TOX2: variants seen among roughly 807,000 people sequenced by gnomAD.
TOX2 encodes granulosa cell HMG box 1.
A neutral mutation model predicts 47.4 loss-of-function variants in TOX2; 15 were observed. The ratio of observed to expected loss-of-function variants is 0.32; its 90% CI spans 0.21 to 0.49. The LOEUF is 0.49. Ranked by LOEUF, TOX2 falls within the 20% of genes least tolerant of loss-of-function variation. TOX2 has a pLI of 0.99. For missense variants in TOX2, 622 were observed against 673.1 expected (o/e 0.92, Z 0.84); for synonymous variants, 290 against 296.6 (o/e 0.98, Z 0.23).
intron 3 of TOX2, among the ~76,000 whole-genome samples, chr20:44,009,398 C>A (rs1035782604): frequency 7.9e-5 from 12 of 152,198 alleles, no homozygotes; most frequent in African/African-American, 2.9e-4. Flanking sequence ...GTGTTTGGTT[C>A]TCACGAAAGA....
intron 5 of TOX2, among the ~76,000 whole-genome samples, chr20:44,060,450 C>T (rs1393844496): frequency 6.6e-6 from 1 of 152,116 alleles, no homozygotes; most frequent in Non-Finnish European, 1.5e-5. Context: ...GCAGAATATA[C>T]ATTCTGTTCA....
chr20:43,924,019 C>A (rs1055267475), intron 1 of TOX2, among the ~76,000 whole-genome samples: 4 of 152,124 alleles, frequency 2.6e-5, no homozygotes, highest in African/African-American at 9.7e-5. Context: ...AAGTGAGAGG[C>A]CTAAAAATGA....
intron 3 of TOX2, among the ~76,000 whole-genome samples, chr20:44,018,549 C>T (rs554956173): frequency 6.6e-6 from 1 of 152,316 alleles, no homozygotes; most frequent in East Asian, 1.9e-4. Flanking sequence ...TTTGGCTCCG[C>T]AGAATGTCTG....
At position 43,996,391 on chromosome 20, in the gene TOX2, C is replaced by T. The variant is rs540038331; in HGVS notation, c.166-10156C>T. On this transcript the variant is annotated intron_variant, in intron 2 of 8. Coordinates refer to ENST00000341197, the MANE Select transcript of TOX2 (RefSeq NM_001098797.2). ...TTAGAGTGAAATAAAACATTATTAA[C>T]GTGACACTGGAACAAGAGGCGTGGA... Among the ~76,000 whole-genome samples the T allele has an allele frequency of 9.8e-5, 15 of 152,324 alleles. No homozygotes were observed. In the South Asian group the frequency reaches 1.9e-3, roughly 19 times the overall value.
intron 3 of TOX2, among the ~76,000 whole-genome samples, chr20:44,010,847 G>T (rs1396217012): frequency 6.6e-6 from 1 of 152,064 alleles, no homozygotes; most frequent in Non-Finnish European, 1.5e-5. Context: ...CCAACTTGGG[G>T]GCTTAAAAAA....
intron 1 of TOX2, among the ~76,000 whole-genome samples, chr20:43,966,789 C>T (rs188284472): frequency 1.3e-5 from 2 of 151,446 alleles, no homozygotes; most frequent in Admixed American, 6.6e-5. Flanking sequence ...ACTGGAGGCT[C>T]CCACTATGCT....
intron 3 of TOX2, among the ~76,000 whole-genome samples, chr20:44,015,909 C>T (rs2070870359): frequency 6.6e-6 from 1 of 152,132 alleles, no homozygotes; most frequent in African/African-American, 2.4e-5. Context: ...TAAAAATTCA[C>T]TCCCTGTTAA....
At chr20:43,999,127 T>C (rs896553447) in intron 2 of TOX2, among the ~76,000 whole-genome samples, 1 of 152,222 alleles carries the variant, frequency 6.6e-6, no homozygotes, top group Non-Finnish European at 1.5e-5. Context: ...CCATATGCTG[T>C]ATGTATTTTA....
chr20:44,012,945 G>T (rs2070804724), intron 3 of TOX2, among the ~76,000 whole-genome samples: 1 of 152,240 alleles, frequency 6.6e-6, no homozygotes, highest in African/African-American at 2.4e-5. Flanking sequence ...CTGTGGCCCA[G>T]GGTCCCCCAC....
chr20:43,916,114 AGC>A lies in TOX2; in HGVS notation c.99+1128_99+1129del. ...GTCGGTCCCGGGCCGGCTGGAGCCA[AGC>A]GCGGGTTTTCGTCACTCGGAGCCCG... On this transcript the variant is annotated intron_variant, in intron 1 of 8. Transcript: ENST00000341197. This position sits in a 1 kb window ranked among gnomAD's most constrained non-coding sequence, Gnocchi z 5.0. The A allele has an allele frequency of 1.0e-6, 1 of 985,466 alleles. No individual in the cohort carries two copies. Among genetic ancestry groups the A allele is most frequent in the Non-Finnish European group, 1.2e-6 (1 of 829,922 alleles). 61.0% of individuals were successfully genotyped at this position (985,466 alleles called of 1,614,324 possible).
intron 1 of TOX2, among the ~76,000 whole-genome samples, chr20:43,949,337 C>T (rs1403941543): frequency 6.6e-6 from 1 of 152,226 alleles, no homozygotes; most frequent in Non-Finnish European, 1.5e-5. Context: ...GAGCCTCCTC[C>T]CAGGCCTCCC....
rs185616556 is a variant in TOX2 at position 44,042,434 on chromosome 20, G to A, written c.412-8872G>A. On this transcript the variant is annotated intron_variant, in intron 3 of 8. Coordinates refer to ENST00000341197, the MANE Select transcript of TOX2 (RefSeq NM_001098797.2). The stretch of plus-strand genomic sequence containing the variant: ...CACTGGTTGTAACCAAATAAGTGAA[G>A]ATGATCAGCTCCAGGTTTTCTCCCA... Among the ~76,000 whole-genome samples, 3 of 152,330 alleles carry A rather than the reference G, an allele frequency of 2.0e-5. No homozygotes were observed. The East Asian group carries it at 5.8e-4, about 29-fold the overall frequency.
intron 2 of TOX2, among the ~76,000 whole-genome samples, chr20:43,976,931 T>C (rs1221507213): frequency 1.3e-5 from 2 of 152,314 alleles, no homozygotes; most frequent in East Asian, 3.9e-4. Flanking sequence ...TCACAGCCAC[T>C]AGAGGATTCA....
chr20:43,960,529 C>G (rs1328319193), intron 1 of TOX2, among the ~76,000 whole-genome samples: 2 of 152,242 alleles, frequency 1.3e-5, no homozygotes, highest in East Asian at 3.8e-4. Context: ...GACTACATCA[C>G]AGTTTGGCTT....
At chr20:43,987,552 A>G (rs1405764642) in intron 2 of TOX2, among the ~76,000 whole-genome samples, 1 of 152,216 alleles carries the variant, frequency 6.6e-6, no homozygotes, top group African/African-American at 2.4e-5. Flanking sequence ...AGAAAGATCA[A>G]GGCATTGTAT....
At chr20:44,004,556 T>C (rs572031743) in intron 2 of TOX2, among the ~76,000 whole-genome samples, 1 of 152,188 alleles carries the variant, frequency 6.6e-6, no homozygotes, top group East Asian at 1.9e-4. Flanking sequence ...CAGTGGTGGG[T>C]CCCAGGGTGG....
At chr20:43,972,703 C>T (rs986199349) in intron 1 of TOX2, among the ~76,000 whole-genome samples, 22 of 152,326 alleles carry the variant, frequency 1.4e-4, no homozygotes, top group Non-Finnish European at 2.9e-5. Context: ...CCAGAGCCCA[C>T]ATCTCTTCCC....
rs59829203 is a variant in TOX2 at position 43,951,707 on chromosome 20, G to GTTTTTTTTTTTTTT, written c.100-21652_100-21639dup. 7.1e-4 allele frequency among the ~76,000 whole-genome samples: 39 copies of GTTTTTTTTTTTTTT among 55,084 alleles called. 6 individuals are homozygous for GTTTTTTTTTTTTTT. The highest frequency in any genetic ancestry group is 2.6e-3 in the East Asian group (5 of 1,890). The allele number at this position is 55,084 out of a possible 152,430, so 36.1% of individuals were successfully genotyped here. ...TGACCATTACTATTAAACTTATTATGTTTTTTTTTTTTTTTTTTTTTAGAG... is the reference window on the plus strand; with the variant it reads ...TGACCATTACTATTAAACTTATTATGTTTTTTTTTTTTTTTTTTTTTTTTTTTTTTTTTTTAGAG... On this transcript the variant is annotated intron_variant, in intron 1 of 8. Coordinates refer to ENST00000341197, the MANE Select transcript of TOX2 (RefSeq NM_001098797.2).
At chr20:43,925,412 T>C (rs1305945144) in intron 1 of TOX2, among the ~76,000 whole-genome samples, 1 of 152,220 alleles carries the variant, frequency 6.6e-6, no homozygotes, top group African/African-American at 2.4e-5. Flanking sequence ...TACGAAGTCC[T>C]TGGGGGCCTC....
Sources: gnomAD v4.1 joint callset for allele counts (sites outside exome capture counted in the v4.1 genomes callset) on GRCh38, gnomAD v4.1.1 for gene constraint, Gnocchi (gnomAD v3.1) non-coding constraint, MANE v1.5 for transcripts, NCBI Gene and HGNC (gene_info 2026-07-23, HGNC 2026-07-21) for gene names.